The following LRRC10B variants were observed in gnomAD, a reference collection of about 807,000 sequenced individuals.
LRRC10B encodes leucine rich repeat containing 10B, also known as leucine-rich repeat-containing protein 10B.
For missense variants in LRRC10B, 389 were observed against 436.5 expected, an observed-to-expected ratio of 0.89 and a Z score of 0.97; for synonymous variants, 204 against 221.5, an observed-to-expected ratio of 0.92 and a Z score of 0.70.
In LRRC10B at chr11:61,509,411, TG is replaced by T; in HGVS notation, c.414del (p.Gln139SerfsTer20). 6.7e-7 allele frequency: 1 copy of T among 1,490,458 alleles called. No homozygotes were observed. The highest frequency in any genetic ancestry group is 2.3e-5 in the Admixed American group (1 of 42,960). The allele number at this position is 1,490,458 out of a possible 1,614,324, so 92.3% of individuals were successfully genotyped here. Reference sequence around the variant, plus strand: ...CGGCCGCTGCTGCGCCTGGTGGCGCTGCAGTCGCTCCAGATGGGCGACAACC... The same window carrying T: ...CGGCCGCTGCTGCGCCTGGTGGCGCTCAGTCGCTCCAGATGGGCGACAACC... ...FPRPLLRLVA[L>X]QSLQMGDNRL... On this transcript the variant is annotated frameshift_variant, in exon 1 of 1. Transcript: ENST00000378075. LOFTEE classifies it low-confidence loss of function (END_TRUNC).
Position 61,510,952 on chromosome 11 carries a change from A to T in LRRC10B, c.*1075A>T, listed in dbSNP as rs576368876. On this transcript the variant is annotated 3_prime_UTR_variant, in exon 1 of 1. Coordinates refer to ENST00000378075, the MANE Select transcript of LRRC10B (RefSeq NM_001145077.2). ...GTTGGGGCAGCGGCCCCACATGGTA[A>T]TGTTTTCTTTAGAGAGAAGAAAAAA... is the stretch of plus-strand genomic sequence containing the variant. The T allele has an allele frequency of 6.0e-6, 1 of 166,844 alleles. No individual in the cohort carries two copies. The highest frequency in any genetic ancestry group is 1.9e-4 in the East Asian group (1 of 5,152). The allele number at this position is 166,844 out of a possible 1,614,324, so 10.3% of individuals were successfully genotyped here.
Position 61,509,755 on chromosome 11 carries a change from G to A in LRRC10B, c.757G>A (p.Ala253Thr). ...PTPRPPPRRP[A>T]RAFEDEEEED... ...GCCCCGGCCTCCGCCCCGGCGCCCA[G>A]CGCGGGCCTTTGAGGATGAGGAGGA... The change falls in exon 1 of 1, where the codon GCG becomes ACG. Residue 253 changes from alanine (A) to threonine (T), a missense_variant. By Grantham distance (58) the Ala-to-Thr change is moderately conservative. Coordinates refer to ENST00000378075, the MANE Select transcript of LRRC10B (RefSeq NM_001145077.2). 1.3e-6 allele frequency: 2 copies of A among 1,524,966 alleles called. No individual in the cohort carries two copies. The highest frequency in any genetic ancestry group is 2.4e-5 in the South Asian group (2 of 82,776). 94.5% of individuals were successfully genotyped at this position (1,524,966 alleles called of 1,614,324 possible).
In LRRC10B at chr11:61,509,842, C is replaced by A; in HGVS notation, c.844C>A (p.Arg282Ser). The A allele has an allele frequency of 6.5e-7, 1 of 1,531,400 alleles. No homozygotes were observed. The highest frequency in any genetic ancestry group is 8.8e-7 in the Non-Finnish European group (1 of 1,141,756). 94.9% of individuals were successfully genotyped at this position (1,531,400 alleles called of 1,614,324 possible). The change falls in exon 1 of 1, where the codon CGC (arginine) becomes AGC (serine). Residue 282 changes from arginine to serine, a missense_variant. Physicochemically the swap from Arg to Ser is moderately radical, Grantham distance 110. Coordinates refer to ENST00000378075, the MANE Select transcript of LRRC10B (RefSeq NM_001145077.2). ...RALGAPGGSF[R>S]ALEAAPGLGT ...TCTGGGCGCCCCCGGGGGCAGCTTC[C>A]GCGCCCTGGAAGCCGCTCCAGGACT...
rs939712088 is a variant in LRRC10B at position 61,509,212 on chromosome 11, C to T, written c.214C>T (p.Leu72=). The change falls in exon 1 of 1, where the codon CTG becomes TTG. Residue 72 remains leucine (L), a synonymous_variant. Coordinates refer to ENST00000378075, the MANE Select transcript of LRRC10B (RefSeq NM_001145077.2). The part of the protein sequence containing the change: ...EIEELRELRI[L]ALDFNKLERL... ...CGAGGAGCTGCGCGAGCTGCGCATC[C>T]TGGCGCTGGACTTCAACAAGCTCGA... 5 of 1,531,988 alleles carry T rather than the reference C, an allele frequency of 3.3e-6. No individual in the cohort carries two copies. The African/African-American group carries it at 7.0e-5, about 21-fold the overall frequency. The allele number at this position is 1,531,988 out of a possible 1,614,324, so 94.9% of individuals were successfully genotyped here. A position where few individuals can be genotyped will look rare whatever the true frequency, so the allele number is the denominator to read the frequency against.
rs1318643331 is a variant in LRRC10B at position 61,509,834 on chromosome 11, G to T, written c.836G>T (p.Gly279Val). ...TCCCGGGCTCTGGGCGCCCCCGGGG[G>T]CAGCTTCCGCGCCCTGGAAGCCGCT... is the stretch of plus-strand genomic sequence containing the variant. ...AGSRALGAPG[G>V]SFRALEAAPG... Residue 279 changes from glycine to valine, a missense_variant, in exon 1 of 1, where the codon GGC (glycine) becomes GTC (valine). Coordinates refer to ENST00000378075, the MANE Select transcript of LRRC10B (RefSeq NM_001145077.2). 1.3e-6 allele frequency: 2 copies of T among 1,531,876 alleles called. No homozygotes were observed. Among genetic ancestry groups the T allele is most frequent in the Non-Finnish European group, 1.8e-6 (2 of 1,142,266 alleles). The allele number at this position is 1,531,876 out of a possible 1,614,324, so 94.9% of individuals were successfully genotyped here.
In LRRC10B at chr11:61,510,774, T is replaced by C. The variant is rs751984; in HGVS notation, c.*897T>C. On this transcript the variant is annotated 3_prime_UTR_variant, in exon 1 of 1. Transcript: ENST00000378075. Reference sequence around the variant, plus strand: ...ATGGGCACAGCCAGGGTGGCTGGCATGGGACTGGCACTCTGTACCTCCACT... The same window carrying C: ...ATGGGCACAGCCAGGGTGGCTGGCACGGGACTGGCACTCTGTACCTCCACT... The C allele has an allele frequency of 0.17, 28,325 of 167,116 alleles. 2,943 individuals carry two copies. The highest frequency in any genetic ancestry group is 0.44 in the East Asian group (2,260 of 5,148). The allele number at this position is 167,116 out of a possible 1,614,324, so 10.4% of individuals were successfully genotyped here. A position where few individuals can be genotyped will look rare whatever the true frequency, so the allele number is the denominator to read the frequency against.
chr11:61,509,259 C>T lies in LRRC10B; in HGVS notation c.261C>T (p.Cys87=), dbSNP rs2062072751. The T allele has an allele frequency of 6.6e-7, 1 of 1,521,372 alleles. No homozygotes were observed. Among genetic ancestry groups the T allele is most frequent in the Non-Finnish European group, 8.8e-7 (1 of 1,140,650 alleles). 94.2% of individuals were successfully genotyped at this position (1,521,372 alleles called of 1,614,324 possible). ...TCGAGCGACTGCCTGACGGCCTGTG[C>T]CGCCTGCCGCGCCTCACGCGCCTCT... ...NKLERLPDGL[C]RLPRLTRLYL... Residue 87 remains cysteine, a synonymous_variant, in exon 1 of 1, where the codon TGC becomes TGT. Coordinates refer to ENST00000378075, the MANE Select transcript of LRRC10B (RefSeq NM_001145077.2).
In LRRC10B at chr11:61,509,217, G is replaced by T; in HGVS notation, c.219G>T (p.Ala73=). 6.5e-7 allele frequency: 1 copy of T among 1,531,816 alleles called. No homozygotes were observed. The highest frequency in any genetic ancestry group is 8.7e-7 in the Non-Finnish European group (1 of 1,144,718). 94.9% of individuals were successfully genotyped at this position (1,531,816 alleles called of 1,614,324 possible). A position where few individuals can be genotyped will look rare whatever the true frequency, so the allele number is the denominator to read the frequency against. ...AGCTGCGCGAGCTGCGCATCCTGGC[G>T]CTGGACTTCAACAAGCTCGAGCGAC... is the stretch of plus-strand genomic sequence containing the variant. ...IEELRELRIL[A]LDFNKLERLP... is the part of the protein sequence containing the mutation. Residue 73 remains alanine (A), a synonymous_variant, in exon 1 of 1, where the codon GCG becomes GCT. Coordinates refer to ENST00000378075, the MANE Select transcript of LRRC10B (RefSeq NM_001145077.2).
chr11:61,509,636 AC>A lies in LRRC10B; in HGVS notation c.639del (p.His213GlnfsTer54). 6.6e-7 allele frequency: 1 copy of A among 1,522,080 alleles called. No homozygotes were observed. The allele number at this position is 1,522,080 out of a possible 1,614,324, so 94.3% of individuals were successfully genotyped here. ...GCGCTGCGCGTCTTCTCCTACGACCACAACCCCGTCACCGGGCCCCCGCGCG... is the reference window on the plus strand; with the variant it reads ...GCGCTGCGCGTCTTCTCCTACGACCAAACCCCGTCACCGGGCCCCCGCGCG... ...LRALRVFSYD[H>X]NPVTGPPRVA... is the part of the protein sequence containing the mutation. On this transcript the variant is annotated frameshift_variant, in exon 1 of 1. Coordinates refer to ENST00000378075, the MANE Select transcript of LRRC10B (RefSeq NM_001145077.2). LOFTEE classifies it high-confidence loss of function.
rs2062081969 is a variant in LRRC10B at position 61,510,910 on chromosome 11, G to A, written c.*1033G>A. The A allele has an allele frequency of 6.0e-6, 1 of 167,014 alleles. No homozygotes were observed. Among genetic ancestry groups the A allele is most frequent in the Admixed American group, 6.5e-5 (1 of 15,288 alleles). 10.3% of individuals were successfully genotyped at this position (167,014 alleles called of 1,614,324 possible). ...AACGGGACGAGGGAGCCAGGGCCAA[G>A]GACACTCAGGGACACTGTTGGGGCA... On this transcript the variant is annotated 3_prime_UTR_variant, in exon 1 of 1. Transcript: ENST00000378075.
chr11:61,509,844 C>G lies in LRRC10B; in HGVS notation c.846C>G (p.Arg282=), dbSNP rs2062076813. ...RALGAPGGSF[R]ALEAAPGLGT ...TGGGCGCCCCCGGGGGCAGCTTCCG[C>G]GCCCTGGAAGCCGCTCCAGGACTGG... The change falls in exon 1 of 1, where the codon CGC becomes CGG. Residue 282 remains arginine (R), a synonymous_variant. Coordinates refer to ENST00000378075, the MANE Select transcript of LRRC10B (RefSeq NM_001145077.2). The G allele has an allele frequency of 6.5e-7, 1 of 1,529,794 alleles. No individual in the cohort carries two copies. Among genetic ancestry groups the G allele is most frequent in the South Asian group, 1.2e-5 (1 of 82,290 alleles). 94.8% of individuals were successfully genotyped at this position (1,529,794 alleles called of 1,614,324 possible).
At position 61,509,458 on chromosome 11, in the gene LRRC10B, G is replaced by A. The variant is rs1479328236; in HGVS notation, c.460G>A (p.Glu154Lys). 11 of 1,488,848 alleles carry A rather than the reference G, an allele frequency of 7.4e-6. No homozygotes were observed. Among genetic ancestry groups the A allele is most frequent in the East Asian group, 5.4e-5 (2 of 36,916 alleles). The allele number at this position is 1,488,848 out of a possible 1,614,324, so 92.2% of individuals were successfully genotyped here. The change falls in exon 1 of 1, where the codon GAG (glutamate) becomes AAG (lysine). Residue 154 changes from glutamate to lysine, a missense_variant. Transcript: ENST00000378075. ...GDNRLRALPA[E>K]LPRMTGLRGL... Reference sequence around the variant, plus strand: ...CAACCGGCTGCGCGCGCTGCCGGCCGAGCTGCCGCGCATGACGGGCTTGCG... The same window carrying A: ...CAACCGGCTGCGCGCGCTGCCGGCCAAGCTGCCGCGCATGACGGGCTTGCG...
Position 61,509,698 on chromosome 11 carries a change from G to A in LRRC10B, c.700G>A (p.Val234Ile), listed in dbSNP as rs2062075797. 2.0e-6 allele frequency: 3 copies of A among 1,515,304 alleles called. No individual in the cohort carries two copies. The East Asian group carries it at 7.9e-5, about 40-fold the overall frequency. The allele number at this position is 1,515,304 out of a possible 1,614,324, so 93.9% of individuals were successfully genotyped here. A position where few individuals can be genotyped will look rare whatever the true frequency, so the allele number is the denominator to read the frequency against. Residue 234 changes from valine (V) to isoleucine (I), a missense_variant, in exon 1 of 1, where the codon GTC becomes ATC. Val to Ile is a conservative substitution (Grantham distance 29). Coordinates refer to ENST00000378075, the MANE Select transcript of LRRC10B (RefSeq NM_001145077.2). ...DTVFLVGEGA[V>I]ERMAERDEPT... ...CGTGTTCCTCGTGGGCGAGGGCGCC[G>A]TCGAGCGCATGGCGGAGCGCGACGA...
At position 61,509,824 on chromosome 11, in the gene LRRC10B, GC is replaced by G; in HGVS notation, c.831del (p.Gly279AlafsTer73). Reference protein sequence around the residue: ...IGGAGSRALGAPGGSFRALEA... With the variant: ...IGGAGSRALGXPGGSFRALEA... ...CGGCGCTGGTTCCCGGGCTCTGGGCGCCCCCGGGGGCAGCTTCCGCGCCCTG... is the reference window on the plus strand; with the variant it reads ...CGGCGCTGGTTCCCGGGCTCTGGGCGCCCCGGGGGCAGCTTCCGCGCCCTG... On this transcript the variant is annotated frameshift_variant, in exon 1 of 1. Coordinates refer to ENST00000378075, the MANE Select transcript of LRRC10B (RefSeq NM_001145077.2). LOFTEE classifies it high-confidence loss of function. 2.6e-6 allele frequency: 4 copies of G among 1,530,784 alleles called. No homozygotes were observed. Among genetic ancestry groups the G allele is most frequent in the Middle Eastern group, 2.2e-4 (1 of 4,572 alleles). 94.8% of individuals were successfully genotyped at this position (1,530,784 alleles called of 1,614,324 possible). A position where few individuals can be genotyped will look rare whatever the true frequency, so the allele number is the denominator to read the frequency against.
chr11:61,509,700 C>G lies in LRRC10B; in HGVS notation c.702C>G (p.Val234=). The change falls in exon 1 of 1, where the codon GTC becomes GTG. Residue 234 remains valine, a synonymous_variant. Transcript: ENST00000378075. ...DTVFLVGEGA[V]ERMAERDEPT... ...TGTTCCTCGTGGGCGAGGGCGCCGT[C>G]GAGCGCATGGCGGAGCGCGACGAGC... 2.6e-6 allele frequency: 4 copies of G among 1,515,240 alleles called. No individual in the cohort carries two copies. The highest frequency in any genetic ancestry group is 3.5e-6 in the Non-Finnish European group (4 of 1,138,564). The allele number at this position is 1,515,240 out of a possible 1,614,324, so 93.9% of individuals were successfully genotyped here.
At position 61,508,880 on chromosome 11, in the gene LRRC10B, G is replaced by A. The variant is rs1324692656; in HGVS notation, c.-119G>A. On this transcript the variant is annotated 5_prime_UTR_variant, in exon 1 of 1. Coordinates refer to ENST00000378075, the MANE Select transcript of LRRC10B (RefSeq NM_001145077.2). ...CCCCCTCCCGGCGCGGGGGAAGGCC[G>A]GGGCGGGGGGCCCGGGGGCCGGCGC... 2.6e-6 allele frequency: 2 copies of A among 776,908 alleles called. No individual in the cohort carries two copies. Among genetic ancestry groups the A allele is most frequent in the African/African-American group, 1.9e-5 (1 of 52,810 alleles). 48.1% of individuals were successfully genotyped at this position (776,908 alleles called of 1,614,324 possible). A position where few individuals can be genotyped will look rare whatever the true frequency, so the allele number is the denominator to read the frequency against.
In LRRC10B at chr11:61,510,175, G is replaced by A. The variant is rs556850268; in HGVS notation, c.*298G>A. The A allele has an allele frequency of 2.7e-6, 1 of 364,480 alleles. No homozygotes were observed. The highest frequency in any genetic ancestry group is 2.1e-5 in the African/African-American group (1 of 47,296). The allele number at this position is 364,480 out of a possible 1,614,324, so 22.6% of individuals were successfully genotyped here. On this transcript the variant is annotated 3_prime_UTR_variant, in exon 1 of 1. Coordinates refer to ENST00000378075, the MANE Select transcript of LRRC10B (RefSeq NM_001145077.2). ...GCACCAGCTTCCTCCTGGAACCAGG[G>A]TCTCTGAGGGCCACAGAATTGTCAC...
Position 61,510,912 on chromosome 11 carries a change from A to T in LRRC10B, c.*1035A>T, listed in dbSNP as rs573555864. ...CGGGACGAGGGAGCCAGGGCCAAGG[A>T]CACTCAGGGACACTGTTGGGGCAGC... On this transcript the variant is annotated 3_prime_UTR_variant, in exon 1 of 1. Transcript: ENST00000378075. 3.3e-4 allele frequency: 55 copies of T among 167,158 alleles called. No individual in the cohort carries two copies. The highest frequency in any genetic ancestry group is 1.3e-3 in the African/African-American group (53 of 41,594). The allele number at this position is 167,158 out of a possible 1,614,324, so 10.4% of individuals were successfully genotyped here. A position where few individuals can be genotyped will look rare whatever the true frequency, so the allele number is the denominator to read the frequency against.
At position 61,510,039 on chromosome 11, in the gene LRRC10B, A is replaced by G; in HGVS notation, c.*162A>G. 1.5e-6 allele frequency: 1 copy of G among 673,394 alleles called. No homozygotes were observed. The highest frequency in any genetic ancestry group is 2.4e-6 in the Non-Finnish European group (1 of 416,524). The allele number at this position is 673,394 out of a possible 1,614,324, so 41.7% of individuals were successfully genotyped here. On this transcript the variant is annotated 3_prime_UTR_variant, in exon 1 of 1. Coordinates refer to ENST00000378075, the MANE Select transcript of LRRC10B (RefSeq NM_001145077.2). ...AGGCAGGGCTGGGGCTCATCTTCAG[A>G]CACTCCTAGGTAGTAAGAGGACTGA...
Sources: gnomAD v4.1 joint callset for allele counts on GRCh38, gnomAD v4.1.1 for gene constraint, MANE v1.5 for transcripts, NCBI Gene and HGNC (gene_info 2026-07-23, HGNC 2026-07-21) for gene names.